RNLS: variants seen among roughly 807,000 people sequenced by gnomAD.
RNLS encodes renalase.
RNLS carries 39 observed loss-of-function variants against 39.8 expected under a neutral mutation model. The observed-to-expected ratio is 0.98, with a 90% CI of 0.76 to 1.28. The LOEUF (loss-of-function observed/expected upper bound fraction) is 1.28. Among genes scored for constraint, RNLS ranks in the 50% most tolerant of loss-of-function variants. The pLI, the probability that RNLS is intolerant of heterozygous loss-of-function variation, is 0.00. For synonymous variants in RNLS, 147 were observed against 150.7 expected (o/e 0.98, Z 0.18); for missense variants, 410 against 413.3 (o/e 0.99, Z 0.07).
At chr10:88,318,878 A>G (rs1216775194) in intron 5 of RNLS, among the ~76,000 whole-genome samples, 1 of 152,162 alleles carries the variant, frequency 6.6e-6, no homozygotes, top group Non-Finnish European at 1.5e-5. Flanking sequence ...AGACCTCAGC[A>G]TGCTCCAACA....
chr10:88,482,176 T>C (rs1294918447), intron 4 of RNLS, among the ~76,000 whole-genome samples: 2 of 152,160 alleles, frequency 1.3e-5, no homozygotes, highest in African/African-American at 4.8e-5. Flanking sequence ...GTTTCTTGTA[T>C]CTGTAATGTT....
At chr10:88,515,796 A>T (rs1467761487) in intron 4 of RNLS, among the ~76,000 whole-genome samples, 1 of 152,048 alleles carries the variant, frequency 6.6e-6, no homozygotes, top group Non-Finnish European at 1.5e-5. Context: ...TGGGAGTGAA[A>T]CATAGAGGGC....
intron 4 of RNLS, among the ~76,000 whole-genome samples, chr10:88,404,387 ACTT>A (rs1659290520): frequency 6.6e-6 from 1 of 152,006 alleles, no homozygotes; most frequent in Non-Finnish European, 1.5e-5. Context: ...AGTTCTGTAA[ACTT>A]CTCTACAATT....
chr10:88,558,975 A>G (rs1849018958), intron 4 of RNLS, among the ~76,000 whole-genome samples: 1 of 152,178 alleles, frequency 6.6e-6, no homozygotes, highest in Non-Finnish European at 1.5e-5. Flanking sequence ...TGAAAAATGC[A>G]ATGAAGCATA....
intron 5 of RNLS, among the ~76,000 whole-genome samples, chr10:88,317,978 G>A (rs117197479): frequency 0.013 from 2,006 of 152,296 alleles, 27 homozygotes; most frequent in South Asian, 0.05. Flanking sequence ...TCTGGATCAC[G>A]GGCAATGCTG....
chr10:88,546,714 T>A (rs1564888648), intron 4 of RNLS, among the ~76,000 whole-genome samples: 1 of 152,174 alleles, frequency 6.6e-6, no homozygotes, highest in Non-Finnish European at 1.5e-5. Flanking sequence ...ACAAAACTTG[T>A]GTCATATGTC....
intron 4 of RNLS, among the ~76,000 whole-genome samples, chr10:88,429,180 C>T (rs571308440): frequency 2.0e-5 from 3 of 151,852 alleles, no homozygotes; most frequent in Non-Finnish European, 4.4e-5. Context: ...GCCAGGGCCG[C>T]CACTTTCTAG....
chr10:88,490,705 G>T (rs1293872528), intron 4 of RNLS, among the ~76,000 whole-genome samples: 1 of 152,070 alleles, frequency 6.6e-6, no homozygotes, highest in Non-Finnish European at 1.5e-5. Context: ...ACCTAAAACA[G>T]GGATTTTCAA....
At chr10:88,324,774 A>G (rs1302227690) in intron 5 of RNLS, among the ~76,000 whole-genome samples, 2 of 152,150 alleles carry the variant, frequency 1.3e-5, no homozygotes, top group Admixed American at 6.5e-5. Context: ...TCCTAAACTG[A>G]AACTCCATAT....
chr10:88,292,213 C>T (rs1214283441), intron 6 of RNLS, among the ~76,000 whole-genome samples: 1 of 150,602 alleles, frequency 6.6e-6, no homozygotes, highest in Admixed American at 6.7e-5. Context: ...TAAAATAGAA[C>T]ATTTTGAGCT....
chr10:88,483,991 T>C (rs565898204), intron 4 of RNLS, among the ~76,000 whole-genome samples: 113 of 152,218 alleles, frequency 7.4e-4, no homozygotes, highest in South Asian at 6.8e-3. Context: ...TAGTTATGTC[T>C]TACTGAAGAT....
intron 1 of RNLS, 65 bp downstream of exon 1, chr10:88,583,008 C>T: frequency 6.4e-7 from 1 of 1,559,872 alleles, no homozygotes; most frequent in African/African-American, 1.4e-5. Flanking sequence ...GGTGCAGGCC[C>T]ACACCACCTC....
intron 4 of RNLS, among the ~76,000 whole-genome samples, chr10:88,543,221 C>T (rs1848134969): frequency 6.6e-6 from 1 of 152,074 alleles, no homozygotes; most frequent in Admixed American, 6.6e-5. Flanking sequence ...TGCTGCCAGC[C>T]TCTTTCCTCT....
At chr10:88,252,606 T>G in the RNLS span, among the ~76,000 whole-genome samples, 1 of 152,230 alleles carries the variant, frequency 6.6e-6, no homozygotes, top group Non-Finnish European at 1.5e-5. Flanking sequence ...AAACATTCTC[T>G]GTGTGACTCC....
At position 88,380,218 on chromosome 10, in the gene RNLS, T is replaced by C. The variant is rs148779683; in HGVS notation, c.527-17493A>G. ...GCCTGTTTGACTCTTGGGTTATTTG[T>C]CTTGCTCATATTTTCTGCATATTAA... is the stretch of plus-strand genomic sequence containing the variant. On this transcript the variant is annotated intron_variant, in intron 4 of 6. Coordinates refer to ENST00000331772, the MANE Select transcript of RNLS (RefSeq NM_001031709.3). Among the ~76,000 whole-genome samples, 339 of 152,302 alleles carry C rather than the reference T, an allele frequency of 2.2e-3. 1 individual carries two copies. The highest frequency in any genetic ancestry group is 7.8e-3 in the African/African-American group (324 of 41,562).
intron 4 of RNLS, among the ~76,000 whole-genome samples, chr10:88,420,056 AAATG>A (rs1251837103): frequency 0.044 from 1,887 of 43,032 alleles, 23 homozygotes; most frequent in African/African-American, 0.09. Context: ...ATAAATAAAT[AAATG>A]AATGAATAAA....
At chr10:88,431,813 T>C (rs559518043) in intron 4 of RNLS, among the ~76,000 whole-genome samples, 1 of 151,914 alleles carries the variant, frequency 6.6e-6, no homozygotes, top group South Asian at 2.1e-4. Context: ...TTAATTCTAC[T>C]GTATTTAGAG....
At chr10:88,477,376 T>G (rs1275613494) in intron 4 of RNLS, among the ~76,000 whole-genome samples, 1 of 152,090 alleles carries the variant, frequency 6.6e-6, no homozygotes, top group African/African-American at 2.4e-5. Context: ...ATGTCAGTTA[T>G]GATGGTGATG....
intron 4 of RNLS, among the ~76,000 whole-genome samples, chr10:88,514,938 T>C (rs1846330685): frequency 1.3e-5 from 2 of 152,118 alleles, no homozygotes; most frequent in Admixed American, 6.6e-5. Flanking sequence ...TAATTCCATG[T>C]TTAATTTTTG....
Sources: allele counts gnomAD v4.1 joint callset (sites outside exome capture counted in the v4.1 genomes callset), GRCh38; gene constraint gnomAD v4.1.1; transcripts MANE v1.5; gene names NCBI Gene and HGNC (gene_info 2026-07-23, HGNC 2026-07-21).